Variants in CBX5 observed in about 807,000 individuals in gnomAD.
The protein encoded by CBX5 is chromobox 5.
In CBX5, 7 loss-of-function variants were observed where a neutral mutation model predicts 20.7. The ratio of observed to expected loss-of-function variants is 0.34; its 90% CI spans 0.19 to 0.63. The LOEUF (loss-of-function observed/expected upper bound fraction) is 0.63, where lower values mean the gene tolerates loss of function less well. Among genes scored for constraint, CBX5 ranks in the 30% least tolerant of loss-of-function variants. The pLI is 0.75. For synonymous variants in CBX5, 78 were observed against 77.0 expected (o/e 1.01, Z -0.07); for missense variants, 110 against 224.1 (o/e 0.49, Z 3.25).
chr12:54,271,511 A>G (rs1367155695), intron 1 of CBX5, among the ~76,000 whole-genome samples: 1 of 152,102 alleles, frequency 6.6e-6, no homozygotes, highest in East Asian at 1.9e-4. Context: ...TTTTTAGTAG[A>G]CAGGGTTTCA....
At chr12:54,274,841 G>A (rs1944045277) in intron 1 of CBX5, among the ~76,000 whole-genome samples, 1 of 152,138 alleles carries the variant, frequency 6.6e-6, no homozygotes, top group African/African-American at 2.4e-5. Flanking sequence ...TCGGGAGGCT[G>A]AGGCAGGAGG....
At chr12:54,270,873 G>A (rs370375177) in intron 1 of CBX5, among the ~76,000 whole-genome samples, 8 of 151,904 alleles carry the variant, frequency 5.3e-5, no homozygotes, top group Non-Finnish European at 2.9e-5. Context: ...GCAACATAAC[G>A]AGACCCTGTC....
At chr12:54,275,199 G>C (rs1041842266) in intron 1 of CBX5, among the ~76,000 whole-genome samples, 1 of 152,018 alleles carries the variant, frequency 6.6e-6, no homozygotes, top group Admixed American at 6.6e-5. Context: ...TTCCCCTTTA[G>C]TAAACACCCC....
chr12:54,253,727 C>CAAAAAAAAAAAAAAAAAAAAAAAAAAAAA (rs58403125), intron 2 of CBX5, among the ~76,000 whole-genome samples: 1 of 70,884 alleles, frequency 1.4e-5, no homozygotes. Flanking sequence ...GATACCATCT[C>CAAAAAAAAAAAAAAAAAAAAAAAAAAAAA]AAAAAAAAAA....
At chr12:54,257,446 C>T (rs1943871426) in intron 2 of CBX5, 68 bp downstream of exon 2, 1 of 1,530,642 alleles carries the variant, frequency 6.5e-7, no homozygotes, top group Non-Finnish European at 8.9e-7. Context: ...CTTGTGATTC[C>T]TAAGGAAGTA....
chr12:54,277,394 G>A (rs145202313), intron 1 of CBX5, among the ~76,000 whole-genome samples: 121 of 152,188 alleles, frequency 8.0e-4, no homozygotes, highest in Non-Finnish European at 1.3e-3. Flanking sequence ...TAGTAGAGAC[G>A]GGGTTTCACG....
At chr12:54,242,109 T>C (rs1430463742) in intron 4 of CBX5, among the ~76,000 whole-genome samples, 1 of 152,242 alleles carries the variant, frequency 6.6e-6, no homozygotes, top group Non-Finnish European at 1.5e-5. Context: ...AACAGATGTC[T>C]GTAGCTAGAA....
intron 4 of CBX5, among the ~76,000 whole-genome samples, chr12:54,242,752 A>AT (rs1943691489): frequency 1.3e-5 from 2 of 152,204 alleles, no homozygotes; most frequent in Admixed American, 1.3e-4. Context: ...TAGGGCCTCT[A>AT]ATACCAAGTA....
chr12:54,268,708 T>A (rs549619609), intron 1 of CBX5, among the ~76,000 whole-genome samples: 1 of 152,230 alleles, frequency 6.6e-6, no homozygotes. Flanking sequence ...TTCTCCTTGG[T>A]CAAGTTAGCA....
At chr12:54,248,697 G>A (rs1943762498) in intron 3 of CBX5, among the ~76,000 whole-genome samples, 1 of 152,166 alleles carries the variant, frequency 6.6e-6, no homozygotes. Flanking sequence ...ACATAGGGAG[G>A]GAAGAGGAGG....
chr12:54,240,030 A>G lies in CBX5; in HGVS notation c.*1725T>C, dbSNP rs1292237187. The G allele has an allele frequency of 6.6e-6, 1 of 152,238 alleles. No homozygotes were observed. Among genetic ancestry groups the G allele is most frequent in the African/African-American group, 2.4e-5 (1 of 41,466 alleles). The allele number at this position is 152,238 out of a possible 1,614,324, so 9.4% of individuals were successfully genotyped here. On this transcript the variant is annotated 3_prime_UTR_variant, in exon 5 of 5. Transcript: ENST00000209875. ...GGCCAGACAGCTGTATGTTTTAAAA[A>G]TCAAAAACAACAAGAAAAGCAGCCT...
At chr12:54,257,268 A>T (rs1000611581) in intron 2 of CBX5, among the ~76,000 whole-genome samples, 1 of 152,180 alleles carries the variant, frequency 6.6e-6, no homozygotes, top group African/African-American at 2.4e-5. Context: ...TCTAGACCCA[A>T]GCAATCTGAC....
chr12:54,252,249 ATT>A (rs1231931330), intron 2 of CBX5, 22 bp from the exon 3 acceptor site: 2 of 1,532,528 alleles, frequency 1.3e-6, no homozygotes, highest in Non-Finnish European at 1.8e-6. Flanking sequence ...AAATGGGAAA[ATT>A]AAAAAAAAAA....
chr12:54,266,720 T>C (rs1943960168), intron 1 of CBX5, among the ~76,000 whole-genome samples: 2 of 152,238 alleles, frequency 1.3e-5, no homozygotes, highest in Admixed American at 6.5e-5. Context: ...GGTATCAGTC[T>C]GGTAAACTGG....
chr12:54,261,952 A>G (rs1328054670), intron 1 of CBX5, among the ~76,000 whole-genome samples: 3 of 152,214 alleles, frequency 2.0e-5, no homozygotes, highest in African/African-American at 7.2e-5. Flanking sequence ...ACAGCAGAAG[A>G]AAATATGTGA....
At chr12:54,274,592 TATTA>T (rs1944042304) in intron 1 of CBX5, among the ~76,000 whole-genome samples, 1 of 152,194 alleles carries the variant, frequency 6.6e-6, no homozygotes. Context: ...CCAGGACAGT[TATTA>T]ATTAAATGGG....
intron 4 of CBX5, among the ~76,000 whole-genome samples, chr12:54,245,230 C>T (rs1056851361): frequency 8.6e-5 from 13 of 151,840 alleles, no homozygotes; most frequent in African/African-American, 3.1e-4. Context: ...AGGCTAGCCT[C>T]GAACTCCTGA....
Position 54,252,220 on chromosome 12 carries a change from T to C in CBX5, c.145A>G (p.Asn49Asp). The change falls in exon 3 of 5, where the codon AAT becomes GAT. Residue 49 changes from asparagine (N) to aspartate (D), a missense_variant. Asn to Asp is a conservative substitution (Grantham distance 23). Around this residue, in one of 3 missense-constraint regions of CBX5, gnomAD observed 58 missense variants for 120.6 expected, o/e 0.48. Transcript: ENST00000209875. ...LKWKGFSEEH[N>D]TWEPEKNLDC... ...AAGTTTTTCTCAGGTTCCCAAGTAT[T>C]GTGCTCCCTGGGTAAGAAAAATGGG... The C allele has an allele frequency of 6.3e-7, 1 of 1,579,006 alleles. No homozygotes were observed. Among genetic ancestry groups the C allele is most frequent in the Non-Finnish European group, 8.6e-7 (1 of 1,166,990 alleles).
chr12:54,266,836 T>C (rs958113037), intron 1 of CBX5, among the ~76,000 whole-genome samples: 1 of 152,168 alleles, frequency 6.6e-6, no homozygotes, highest in East Asian at 1.9e-4. Flanking sequence ...CTCTCAACTA[T>C]CAGTTTTCAG....
Sources: gnomAD v4.1 joint callset for allele counts (sites outside exome capture counted in the v4.1 genomes callset) on GRCh38, gnomAD v4.1.1 for gene constraint, gnomAD v4.1.1 regional missense constraint, MANE v1.5 for transcripts, NCBI Gene and HGNC (gene_info 2026-07-23, HGNC 2026-07-21) for gene names.